The following CFAP299 variants were observed in gnomAD, a reference collection of about 807,000 sequenced individuals.
The protein encoded by CFAP299 is cilia- and flagella-associated protein 299.
Under a neutral mutation model 27.0 loss-of-function variants are expected in CFAP299, and 21 were observed. The observed-to-expected ratio is 0.78, with a 90% confidence interval of 0.55 to 1.12. The LOEUF (loss-of-function observed/expected upper bound fraction) is 1.12. Ranked by LOEUF, CFAP299 falls within the 50% of genes most tolerant of loss-of-function variation. The pLI, the probability that CFAP299 is intolerant of heterozygous loss-of-function variation, is 0.00. For missense variants in CFAP299, 310 were observed against 276.6 expected, an observed-to-expected ratio of 1.12 and a Z score of -0.86; for synonymous variants, 104 against 98.1, an observed-to-expected ratio of 1.06 and a Z score of -0.36.
chr4:80,503,357 T>G (rs976821185), intron 2 of CFAP299, among the ~76,000 whole-genome samples: 3 of 152,044 alleles, frequency 2.0e-5, no homozygotes, highest in Admixed American at 6.6e-5. Context: ...TCCTCCTCTA[T>G]TTTTTTACTG....
intron 5 of CFAP299, among the ~76,000 whole-genome samples, chr4:80,958,493 T>A (rs1490824127): frequency 6.6e-6 from 1 of 152,162 alleles, no homozygotes; most frequent in Non-Finnish European, 1.5e-5. Context: ...TAAGATCACA[T>A]GTCATTTTCA....
chr4:80,579,407 A>G (rs1042440411), intron 2 of CFAP299, among the ~76,000 whole-genome samples: 1 of 152,162 alleles, frequency 6.6e-6, no homozygotes, highest in Non-Finnish European at 1.5e-5. Context: ...TGCCCAAGTG[A>G]AAACAGGGGC....
intron 3 of CFAP299, among the ~76,000 whole-genome samples, chr4:80,857,417 C>A (rs950618319): frequency 3.5e-4 from 54 of 152,222 alleles, no homozygotes; most frequent in Non-Finnish European, 7.2e-4. Flanking sequence ...TGCCTGATTG[C>A]CCTGGCCAGA....
intron 3 of CFAP299, chr4:80,648,763 A>G (rs1740150893): frequency 6.6e-6 from 1 of 152,178 alleles, no homozygotes. Context: ...ACTGATTAAC[A>G]ATAATTTAAG....
At chr4:80,621,757 T>TAAATGCTTCAAATGAGCTGTGAGTC (rs1417258981) in intron 3 of CFAP299, among the ~76,000 whole-genome samples, 1 of 152,184 alleles carries the variant, frequency 6.6e-6, no homozygotes, top group Non-Finnish European at 1.5e-5. Flanking sequence ...ACAGCATGAT[T>TAAATGCTTCAAATGAGCTGTGAGTC]AAATGCTTCA....
intron 2 of CFAP299, among the ~76,000 whole-genome samples, chr4:80,537,496 T>C (rs1733800815): frequency 6.6e-6 from 1 of 152,182 alleles, no homozygotes; most frequent in East Asian, 1.9e-4. Flanking sequence ...AACAGATTAC[T>C]ATTCAGCCTT....
At chr4:80,388,886 G>C (rs966597618) in intron 2 of CFAP299, among the ~76,000 whole-genome samples, 1 of 152,006 alleles carries the variant, frequency 6.6e-6, no homozygotes, top group Non-Finnish European at 1.5e-5. Flanking sequence ...AGGCATTGTA[G>C]TACATGAATA....
chr4:80,878,299 A>T (rs1733523208), intron 4 of CFAP299, among the ~76,000 whole-genome samples: 1 of 151,924 alleles, frequency 6.6e-6, no homozygotes, highest in Admixed American at 6.5e-5. Flanking sequence ...AACTTGTCTG[A>T]TTGTTTCCTT....
chr4:80,384,167 C>T (rs544626829), intron 2 of CFAP299, among the ~76,000 whole-genome samples: 115 of 152,184 alleles, frequency 7.6e-4, no homozygotes, highest in African/African-American at 2.3e-3. Flanking sequence ...CCCCTACAAA[C>T]GCACACAAAT....
chr4:80,870,720 T>C (rs891043783), intron 4 of CFAP299: 4 of 985,474 alleles, frequency 4.1e-6, no homozygotes, highest in Non-Finnish European at 4.8e-6. Flanking sequence ...AAGCTAAAAC[T>C]TTTTATTCCC....
chr4:80,339,782 C>A (rs191124126), intron 1 of CFAP299, among the ~76,000 whole-genome samples: 362 of 152,244 alleles, frequency 2.4e-3, no homozygotes, highest in Non-Finnish European at 3.5e-3. Context: ...TTTCCAGGTT[C>A]TTTCTTAGTA....
At chr4:80,937,105 T>C (rs1222464999) in intron 4 of CFAP299, among the ~76,000 whole-genome samples, 1 of 151,986 alleles carries the variant, frequency 6.6e-6, no homozygotes, top group East Asian at 1.9e-4. Context: ...TCTATTAATA[T>C]TTGCTTTATA....
At chr4:80,586,740 A>G (rs1018397553) in intron 3 of CFAP299, among the ~76,000 whole-genome samples, 2 of 152,194 alleles carry the variant, frequency 1.3e-5, no homozygotes, top group African/African-American at 4.8e-5. Context: ...AGTGAAAAAA[A>G]ATAAAACATT....
chr4:80,940,452 G>C (rs1737136426), intron 4 of CFAP299, among the ~76,000 whole-genome samples: 2 of 152,118 alleles, frequency 1.3e-5, no homozygotes, highest in South Asian at 4.1e-4. Context: ...TAGATGATGT[G>C]GGTAAAGTGT....
chr4:80,672,625 A>G lies in CFAP299; in HGVS notation c.333+89442A>G, dbSNP rs1741560715. ...TCTGGTAGAATTCAGCTGTGAATCC[A>G]TCTGGTCTTGGAATTTTTTTGTTGG... On this transcript the variant is annotated intron_variant, in intron 3 of 5. Coordinates refer to ENST00000358105, the MANE Select transcript of CFAP299 (RefSeq NM_152770.3). 2.0e-5 allele frequency among the ~76,000 whole-genome samples: 3 copies of G among 152,150 alleles called. No individual in the cohort carries two copies. In the South Asian group the frequency reaches 6.2e-4, roughly 32 times the overall value.
chr4:80,670,681 C>G (rs1435068710), intron 3 of CFAP299, among the ~76,000 whole-genome samples: 1 of 152,186 alleles, frequency 6.6e-6, no homozygotes, highest in East Asian at 1.9e-4. Flanking sequence ...GATCACCATT[C>G]TAACTGGTGT....
chr4:80,713,168 C>T (rs937862005), intron 3 of CFAP299, among the ~76,000 whole-genome samples: 4 of 152,016 alleles, frequency 2.6e-5, no homozygotes, highest in African/African-American at 9.7e-5. Context: ...TGAGAGATAG[C>T]ACAGGAAACC....
chr4:80,671,015 T>G (rs981592265), intron 3 of CFAP299, among the ~76,000 whole-genome samples: 1 of 152,264 alleles, frequency 6.6e-6, no homozygotes, highest in African/African-American at 2.4e-5. Context: ...TTGTCTATTT[T>G]GGCTTTTGTT....
chr4:80,662,056 A>G lies in CFAP299; in HGVS notation c.333+78873A>G, dbSNP rs542680594. 4.2e-4 allele frequency among the ~76,000 whole-genome samples: 64 copies of G among 152,288 alleles called. 3 individuals carry two copies. The South Asian group carries it at 0.011, about 26-fold the overall frequency. On this transcript the variant is annotated intron_variant, in intron 3 of 5. Transcript: ENST00000358105. ...GTCTCCTGATAAGATGTTATCAATGACAATGCGTGCCCGAAACTTCATTAG... is the reference window on the plus strand; with the variant it reads ...GTCTCCTGATAAGATGTTATCAATGGCAATGCGTGCCCGAAACTTCATTAG...
Sources: gnomAD v4.1 joint callset for allele counts (sites outside exome capture counted in the v4.1 genomes callset) on GRCh38, gnomAD v4.1.1 for gene constraint, MANE v1.5 for transcripts, NCBI Gene and HGNC (gene_info 2026-07-23, HGNC 2026-07-21) for gene names.